SHC2: variants seen among roughly 807,000 people sequenced by gnomAD.
The protein encoded by SHC2 is SHC adaptor protein 2.
In SHC2, 62 loss-of-function variants were observed where a neutral mutation model predicts 60.6. The observed-to-expected ratio is 1.02, with a 90% CI of 0.83 to 1.26. The LOEUF (loss-of-function observed/expected upper bound fraction) is 1.26, where lower values mean the gene tolerates loss of function less well. Ranked by LOEUF, SHC2 falls within the 50% of genes most tolerant of loss-of-function variation. The pLI is 0.00. For missense variants in SHC2, 873 were observed against 822.2 expected, an observed-to-expected ratio of 1.06 and a Z score of -0.76; for synonymous variants, 375 against 372.4, an observed-to-expected ratio of 1.01 and a Z score of -0.08.
In SHC2 at chr19:438,745, G is replaced by C; in HGVS notation, c.693C>G (p.Leu231=). Residue 231 remains leucine, a synonymous_variant, in exon 4 of 13, where the codon CTC becomes CTG. Coordinates refer to ENST00000264554, the MANE Select transcript of SHC2 (RefSeq NM_012435.3). The surrounding 1 kb of genome is among the most constrained non-coding windows in gnomAD (Gnocchi z 5.0). The part of the protein sequence containing the change: ...SISIHISTDG[L]SLSVPATRQV... Reference sequence around the variant, plus strand: ...GGCGCGTGGCAGGCACGGAGAGGCTGAGGCCATCAGTGGAGATGTGGATGG... The same window carrying C: ...GGCGCGTGGCAGGCACGGAGAGGCTCAGGCCATCAGTGGAGATGTGGATGG... 1 of 1,568,734 alleles carries C rather than the reference G, an allele frequency of 6.4e-7. No individual in the cohort carries two copies. The highest frequency in any genetic ancestry group is 8.6e-7 in the Non-Finnish European group (1 of 1,158,116).
At chr19:430,955 C>G (rs942369265) in intron 8 of SHC2, among the ~76,000 whole-genome samples, 1 of 152,252 alleles carries the variant, frequency 6.6e-6, no homozygotes, top group Non-Finnish European at 1.5e-5. Context: ...CGCCTTCTCT[C>G]CACCTCGGAA....
At chr19:454,531 C>T (rs1218388052) in intron 1 of SHC2, among the ~76,000 whole-genome samples, 1 of 152,198 alleles carries the variant, frequency 6.6e-6, no homozygotes, top group Non-Finnish European at 1.5e-5. Context: ...GCACACCTGT[C>T]ATCCCAGCAC....
Position 438,726 on chromosome 19 carries a change from TG to T in SHC2, c.711del (p.Thr238ArgfsTer23). 6.4e-7 allele frequency: 1 copy of T among 1,559,506 alleles called. No individual in the cohort carries two copies. Among genetic ancestry groups the T allele is most frequent in the South Asian group, 1.2e-5 (1 of 84,430 alleles). Reference protein sequence around the residue: ...STDGLSLSVPATRQVIANHHM... With the variant: ...STDGLSLSVPXTRQVIANHHM... ...GAAGAGGGCAGACCCACCTGGCGCG[TG>T]GCAGGCACGGAGAGGCTGAGGCCAT... On this transcript the variant is annotated frameshift_variant, in exon 4 of 13. Coordinates refer to ENST00000264554, the MANE Select transcript of SHC2 (RefSeq NM_012435.3). LOFTEE classifies it high-confidence loss of function. This position sits in a 1 kb window ranked among gnomAD's most constrained non-coding sequence, Gnocchi z 5.0.
Position 458,553 on chromosome 19 carries a change from TGGAAGCGGGTCCTGGGGAGGC to T in SHC2, c.468+1955_468+1975del, listed in dbSNP as rs1291910826. Among the ~76,000 whole-genome samples the T allele has an allele frequency of 2.5e-3, 47 of 19,152 alleles. 2 individuals carry two copies. Among genetic ancestry groups the T allele is most frequent in the African/African-American group, 9.3e-3 (45 of 4,840 alleles). 12.6% of individuals were successfully genotyped at this position (19,152 alleles called of 152,430 possible). A position where few individuals can be genotyped will look rare whatever the true frequency, so the allele number is the denominator to read the frequency against. ...GAGGCGGATTCGGGTTCCGGGGAGG[TGGAAGCGGGTCCTGGGGAGGC>T]GGAAGCGGGTTCCGGGGGACGGGGA... is the stretch of plus-strand genomic sequence containing the variant. On this transcript the variant is annotated intron_variant, in intron 1 of 12. Coordinates refer to ENST00000264554, the MANE Select transcript of SHC2 (RefSeq NM_012435.3).
chr19:459,431 C>A lies in SHC2; in HGVS notation c.468+1098G>T, dbSNP rs534006978. 2.7e-3 allele frequency among the ~76,000 whole-genome samples: 388 copies of A among 144,906 alleles called. 3 individuals are homozygous for A. The highest frequency in any genetic ancestry group is 0.01 in the African/African-American group (365 of 36,364). Reference sequence around the variant, plus strand: ...CTGAACCCAGCGTAGGGGGAAGGACCCCACTGAACCCAGCGTAGGGGGAAG... The same window carrying A: ...CTGAACCCAGCGTAGGGGGAAGGACACCACTGAACCCAGCGTAGGGGGAAG... On this transcript the variant is annotated intron_variant, in intron 1 of 12. Transcript: ENST00000264554.
Position 460,647 on chromosome 19 carries a change from C to G in SHC2, c.350G>C (p.Gly117Ala), listed in dbSNP as rs1303409313. Residue 117 changes from glycine (G) to alanine (A), a missense_variant, in exon 1 of 13, where the codon GGG (glycine) becomes GCG (alanine). Physicochemically the swap from Gly to Ala is moderately conservative, Grantham distance 60. Transcript: ENST00000264554. ...SRGGRGAAGS[G>A]DAAAAAEWIR... ...CCACTCGGCGGCGGCGGCGGCGTCC[C>G]CGGACCCCGCCGCCCCCCGCCCGCC... 2.4e-6 allele frequency: 3 copies of G among 1,234,530 alleles called. No individual in the cohort carries two copies. The highest frequency in any genetic ancestry group is 3.1e-6 in the Non-Finnish European group (3 of 982,518). The allele number at this position is 1,234,530 out of a possible 1,614,324, so 76.5% of individuals were successfully genotyped here. A position where few individuals can be genotyped will look rare whatever the true frequency, so the allele number is the denominator to read the frequency against.
chr19:418,809 A>G, intron 12 of SHC2, 114 bp downstream of exon 12: 1 of 1,202,258 alleles, frequency 8.3e-7, no homozygotes, highest in East Asian at 2.6e-5. Context: ...AACACCCCTG[A>G]GTCGTGCCCT....
intron 1 of SHC2, among the ~76,000 whole-genome samples, chr19:443,161 G>A (rs1351220758): frequency 6.6e-6 from 1 of 150,772 alleles, no homozygotes; most frequent in Non-Finnish European, 1.5e-5. Context: ...TGAATGGATG[G>A]ATGGATGGGT....
chr19:422,010 T>C lies in SHC2; in HGVS notation c.1620+136A>G, dbSNP rs1314080964. 5 of 903,088 alleles carry C rather than the reference T, an allele frequency of 5.5e-6. No homozygotes were observed. Among genetic ancestry groups the C allele is most frequent in the Non-Finnish European group, 8.1e-6 (5 of 619,212 alleles). 55.9% of individuals were successfully genotyped at this position (903,088 alleles called of 1,614,324 possible). ...TTCATAAACATGGAAAGCTCCTGCATGCCCCGAGACCCTCGAGACCCTTGA... is the reference window on the plus strand; with the variant it reads ...TTCATAAACATGGAAAGCTCCTGCACGCCCCGAGACCCTCGAGACCCTTGA... On this transcript the variant is annotated intron_variant, in intron 11 of 12. Transcript: ENST00000264554. This position sits in a 1 kb window ranked among gnomAD's most constrained non-coding sequence, Gnocchi z 5.0.
In SHC2 at chr19:453,873, G is replaced by A. The variant is rs978869257; in HGVS notation, c.468+6656C>T. 2.0e-5 allele frequency among the ~76,000 whole-genome samples: 3 copies of A among 152,204 alleles called. No homozygotes were observed. Among genetic ancestry groups the A allele is most frequent in the Admixed American group, 1.3e-4 (2 of 15,284 alleles). On this transcript the variant is annotated intron_variant, in intron 1 of 12. Transcript: ENST00000264554. This position sits in a 1 kb window ranked among gnomAD's most constrained non-coding sequence, Gnocchi z 6.3. ...CTGAAGTGCTCACGAGGTGAGGTGCGTGAGGGCACCGCAGAGAGCAGGACG... is the reference window on the plus strand; with the variant it reads ...CTGAAGTGCTCACGAGGTGAGGTGCATGAGGGCACCGCAGAGAGCAGGACG...
intron 1 of SHC2, among the ~76,000 whole-genome samples, chr19:458,843 G>A (rs1331159374): frequency 6.6e-6 from 1 of 151,936 alleles, no homozygotes; most frequent in Non-Finnish European, 1.5e-5. Context: ...GAGGGTTCCG[G>A]GGAGGCGGAA....
In SHC2 at chr19:441,069, G is replaced by T. The variant is rs78652217; in HGVS notation, c.469-137C>A. 50,096 of 1,489,404 alleles carry T rather than the reference G, an allele frequency of 0.034. 2,926 individuals are homozygous for T. Among genetic ancestry groups the T allele is most frequent in the East Asian group, 0.19 (8,025 of 41,738 alleles). 92.3% of individuals were successfully genotyped at this position (1,489,404 alleles called of 1,614,324 possible). The stretch of plus-strand genomic sequence containing the variant: ...CTCTGTCCCTGGTGGCTCTGGGGCC[G>T]TCGTGCCTCCCCCACCTCAAGGCCC... On this transcript the variant is annotated intron_variant, in intron 1 of 12. Coordinates refer to ENST00000264554, the MANE Select transcript of SHC2 (RefSeq NM_012435.3). This position sits in a 1 kb window ranked among gnomAD's most constrained non-coding sequence, Gnocchi z 4.9.
At chr19:437,278 G>T (rs539022217) in intron 4 of SHC2, among the ~76,000 whole-genome samples, 3 of 147,076 alleles carry the variant, frequency 2.0e-5, no homozygotes, top group Non-Finnish European at 4.4e-5. Context: ...CTGCGTGCTC[G>T]TCTGTGTGCT....
At position 453,769 on chromosome 19, in the gene SHC2, T is replaced by C. The variant is rs950215652; in HGVS notation, c.468+6760A>G. On this transcript the variant is annotated intron_variant, in intron 1 of 12. Coordinates refer to ENST00000264554, the MANE Select transcript of SHC2 (RefSeq NM_012435.3). This position sits in a 1 kb window ranked among gnomAD's most constrained non-coding sequence, Gnocchi z 6.3. ...ATGAAGTGTCATTTTGCCGACCGTG[T>C]CCCAGTTTGCGTCCATCCCCCACCG... 3.3e-5 allele frequency among the ~76,000 whole-genome samples: 5 copies of C among 152,230 alleles called. No homozygotes were observed. The highest frequency in any genetic ancestry group is 7.4e-5 in the Non-Finnish European group (5 of 68,012).
rs550155697 is a variant in SHC2, at chr19:425,433, G to A, written c.1175-202C>T. On this transcript the variant is annotated intron_variant, in intron 9 of 12. Transcript: ENST00000264554. The surrounding 1 kb of genome is among the most constrained non-coding windows in gnomAD (Gnocchi z 4.1). ...CATCTTACAGCAGCAAAGCCCCGTC[G>A]GGGCTCCAACCAGGGACAAGAGTGG... 6.6e-5 allele frequency among the ~76,000 whole-genome samples: 10 copies of A among 152,308 alleles called. No individual in the cohort carries two copies. The highest frequency in any genetic ancestry group is 2.2e-4 in the African/African-American group (9 of 41,558).
chr19:443,217 G>T (rs1300546245), intron 1 of SHC2, among the ~76,000 whole-genome samples: 1 of 151,134 alleles, frequency 6.6e-6, no homozygotes, highest in African/African-American at 2.4e-5. Flanking sequence ...TGAGTGGATG[G>T]GTGAATGGAT....
intron 1 of SHC2, among the ~76,000 whole-genome samples, chr19:458,184 C>A (rs1975411683): frequency 8.0e-6 from 1 of 124,264 alleles, no homozygotes; most frequent in Admixed American, 8.4e-5. Context: ...GACGCATGTT[C>A]CGGGGGACGG....
Position 438,908 on chromosome 19 carries a change from C to T in SHC2, c.600+62G>A. 5 of 1,554,662 alleles carry T rather than the reference C, an allele frequency of 3.2e-6. No individual in the cohort carries two copies. The highest frequency in any genetic ancestry group is 4.4e-6 in the Non-Finnish European group (5 of 1,148,046). ...TGTCGAGGGGCTCCCAGGATGGCCG[C>T]AGCGTCCCCACAGCCCCCGACTGCC... On this transcript the variant is annotated intron_variant, in intron 3 of 12. Coordinates refer to ENST00000264554, the MANE Select transcript of SHC2 (RefSeq NM_012435.3). The surrounding 1 kb of genome is among the most constrained non-coding windows in gnomAD (Gnocchi z 5.0).
At position 425,113 on chromosome 19, in the gene SHC2, C is replaced by CT; in HGVS notation, c.1292dup (p.Asp432GlyfsTer4). 7.1e-7 allele frequency: 1 copy of CT among 1,405,260 alleles called. No individual in the cohort carries two copies. Among genetic ancestry groups the CT allele is most frequent in the Non-Finnish European group, 9.3e-7 (1 of 1,071,738 alleles). 87.0% of individuals were successfully genotyped at this position (1,405,260 alleles called of 1,614,324 possible). A position where few individuals can be genotyped will look rare whatever the true frequency, so the allele number is the denominator to read the frequency against. ...GCCACATACGCATGTCAAACAGATC[C>CT]TTTTTGGGGCTGTCCTCCGGCTCGG... On this transcript the variant is annotated frameshift_variant, in exon 10 of 13. Transcript: ENST00000264554. LOFTEE classifies it high-confidence loss of function. This position sits in a 1 kb window ranked among gnomAD's most constrained non-coding sequence, Gnocchi z 4.1.
Sources: allele counts gnomAD v4.1 joint callset (sites outside exome capture counted in the v4.1 genomes callset), GRCh38; gene constraint gnomAD v4.1.1; non-coding constraint Gnocchi (gnomAD v3.1); transcripts MANE v1.5; gene names NCBI Gene and HGNC (gene_info 2026-07-23, HGNC 2026-07-21).